MCCC1: variants seen among roughly 807,000 people sequenced by gnomAD.
MCCC1 encodes the protein methylcrotonoyl-CoA carboxylase subunit alpha, mitochondrial.
Under a neutral mutation model 83.8 loss-of-function variants are expected in MCCC1, and 64 were observed. That is an observed-to-expected ratio of 0.76 (90% CI 0.62 to 0.94). The LOEUF is 0.94. Among genes scored for constraint, MCCC1 ranks in the 40% least tolerant of loss-of-function variants. MCCC1 has a pLI of 0.00. For missense variants in MCCC1, 807 were observed against 904.7 expected, an observed-to-expected ratio of 0.89 and a Z score of 1.39; for synonymous variants, 322 against 315.4, an observed-to-expected ratio of 1.02 and a Z score of -0.22.
intron 4 of MCCC1, among the ~76,000 whole-genome samples, chr3:183,079,369 T>C (rs1308390868): frequency 6.6e-6 from 1 of 152,122 alleles, no homozygotes; most frequent in South Asian, 2.1e-4. Context: ...ATGGAAGATA[T>C]TGGCCAAAAT....
At chr3:183,114,816 G>T (rs1227368390) in intron 1 of MCCC1, among the ~76,000 whole-genome samples, 1 of 152,126 alleles carries the variant, frequency 6.6e-6, no homozygotes. Context: ...ACTGTCTGTT[G>T]TTGTTGCTGT....
At chr3:183,071,869 ATTT>A (rs377212072) in intron 5 of MCCC1, among the ~76,000 whole-genome samples, 3 of 132,784 alleles carry the variant, frequency 2.3e-5, no homozygotes, top group African/African-American at 8.7e-5. Flanking sequence ...ACCCAGCTGA[ATTT>A]TTTTTTTTTT....
At chr3:183,036,846 T>G (rs1483572484) in intron 13 of MCCC1, among the ~76,000 whole-genome samples, 1 of 152,052 alleles carries the variant, frequency 6.6e-6, no homozygotes, top group Non-Finnish European at 1.5e-5. Flanking sequence ...GCTAATTTTT[T>G]GTATTTTTAG....
intron 1 of MCCC1, among the ~76,000 whole-genome samples, chr3:183,114,914 C>T (rs1246721299): frequency 6.6e-6 from 1 of 152,148 alleles, no homozygotes; most frequent in African/African-American, 2.4e-5. Context: ...ATCCACAGTC[C>T]TGCAAACCAA....
At chr3:183,041,163 T>G (rs972815821) in intron 11 of MCCC1, among the ~76,000 whole-genome samples, 1 of 152,204 alleles carries the variant, frequency 6.6e-6, no homozygotes, top group African/African-American at 2.4e-5. Context: ...TTACTTTAAT[T>G]TTTTTATTGT....
Position 183,098,595 on chromosome 3 carries a change from T to C in MCCC1, c.89+757A>G, listed in dbSNP as rs142706196. The C allele has an allele frequency of 2.6e-5, 4 of 152,358 alleles. No homozygotes were observed. The East Asian group carries it at 5.8e-4, about 22-fold the overall frequency. The allele number at this position is 152,358 out of a possible 1,614,324, so 9.4% of individuals were successfully genotyped here. On this transcript the variant is annotated intron_variant, in intron 1 of 18. Coordinates refer to ENST00000265594, the MANE Select transcript of MCCC1 (RefSeq NM_020166.5). ...ATCTTTCCAGAATGATGAAGGATGA[T>C]AACGATGAAGCAAAAGAAGACAAAG... is the stretch of plus-strand genomic sequence containing the variant.
At chr3:183,108,664 G>T (rs191600154) in intron 1 of MCCC1, among the ~76,000 whole-genome samples, 124 of 152,324 alleles carry the variant, frequency 8.1e-4, no homozygotes, top group Non-Finnish European at 1.5e-3. Flanking sequence ...TGGAAGTGGA[G>T]GTACAGAGTT....
intron 16 of MCCC1, among the ~76,000 whole-genome samples, chr3:183,020,738 C>T (rs890732237): frequency 6.6e-6 from 1 of 152,012 alleles, no homozygotes; most frequent in Non-Finnish European, 1.5e-5. Context: ...ATTGTAAAGG[C>T]GTAACGGTAT....
At chr3:183,020,453 G>A (rs566482954) in intron 16 of MCCC1, among the ~76,000 whole-genome samples, 31 of 152,020 alleles carry the variant, frequency 2.0e-4, no homozygotes, top group African/African-American at 6.8e-4. Flanking sequence ...GCAATATAGC[G>A]AAACCTCATC....
intron 14 of MCCC1, among the ~76,000 whole-genome samples, chr3:183,030,866 GC>G (rs1240646728): frequency 1.1e-4 from 16 of 152,074 alleles, no homozygotes; most frequent in African/African-American, 3.4e-4. Context: ...ATGTCAACAG[GC>G]TTTTACTCTT....
chr3:183,092,235 T>C lies in MCCC1; in HGVS notation c.273+174A>G, dbSNP rs920038270. 3 of 728,104 alleles carry C rather than the reference T, an allele frequency of 4.1e-6. No individual in the cohort carries two copies. In the African/African-American group the frequency reaches 5.2e-5, roughly 13 times the overall value. 45.1% of individuals were successfully genotyped at this position (728,104 alleles called of 1,614,324 possible). On this transcript the variant is annotated intron_variant, in intron 3 of 18. Transcript: ENST00000265594. ...CTGTTCTACTAAGCACACCGCTTAG[T>C]TCAACTGATGTTATATCTGAAAAAT...
At chr3:183,025,904 A>G in intron 14 of MCCC1, 100 bp from the exon 15 acceptor site, 1 of 1,032,958 alleles carries the variant, frequency 9.7e-7, no homozygotes, top group Non-Finnish European at 1.5e-6. Context: ...AAGACAACCA[A>G]CTATTCAAAG....
chr3:183,099,602 GAACACCAATCA>G, upstream of MCCC1: 1 of 796,532 alleles, frequency 1.3e-6, no homozygotes, highest in Non-Finnish European at 2.0e-6. Context: ...GCGTCTCCAC[GAACACCAATCA>G]AAGACCAGAG....
chr3:183,100,581 T>C (rs1719171035), upstream of MCCC1, among the ~76,000 whole-genome samples: 2 of 152,256 alleles, frequency 1.3e-5, no homozygotes, highest in Admixed American at 1.3e-4. Context: ...AACATAACTT[T>C]GATACCAAAA....
intron 3 of MCCC1, 132 bp from the exon 4 acceptor site, chr3:183,086,920 GA>G (rs1717937553): frequency 1.2e-5 from 9 of 782,172 alleles, no homozygotes; most frequent in South Asian, 6.1e-5. Flanking sequence ...TGCAAGAATT[GA>G]AAAACTGAAG....
intron 4 of MCCC1, among the ~76,000 whole-genome samples, chr3:183,083,049 TATCACCAGAC>T (rs1290520201): frequency 3.3e-5 from 5 of 152,262 alleles, no homozygotes; most frequent in African/African-American, 1.2e-4. Context: ...AATATAGCCA[TATCACCAGAC>T]ATCACCAGAA....
intron 15 of MCCC1, among the ~76,000 whole-genome samples, chr3:183,025,155 C>G (rs955507886): frequency 6.6e-6 from 1 of 152,028 alleles, no homozygotes; most frequent in Admixed American, 6.6e-5. Flanking sequence ...GAAGAAGGAA[C>G]GGAGTGTTAA....
In MCCC1 at chr3:183,034,078, C is replaced by A; in HGVS notation, c.1595-1G>T. ...CTAGACGAAAATGGAGAGAATTGAT[C>A]TAGAAAAAATTTAAAATTCAGTAAC... On this transcript the variant is annotated splice_acceptor_variant, in intron 13 of 18. Coordinates refer to ENST00000265594, the MANE Select transcript of MCCC1 (RefSeq NM_020166.5). LOFTEE classifies it high-confidence loss of function. 2 of 1,603,314 alleles carry A rather than the reference C, an allele frequency of 1.2e-6. No homozygotes were observed. The highest frequency in any genetic ancestry group is 1.1e-5 in the South Asian group (1 of 90,834).
In MCCC1 at chr3:183,034,007, A is replaced by AAG; in HGVS notation, c.1663_1664dup (p.Lys556LeufsTer8). 1 of 1,606,188 alleles carries AAG rather than the reference A, an allele frequency of 6.2e-7. No individual in the cohort carries two copies. The highest frequency in any genetic ancestry group is 1.1e-5 in the South Asian group (1 of 90,914). On this transcript the variant is annotated frameshift_variant, in exon 14 of 19. Coordinates refer to ENST00000265594, the MANE Select transcript of MCCC1 (RefSeq NM_020166.5). LOFTEE classifies it high-confidence loss of function. ...ATTACTTACTGTTTTTACCATCTTT[A>AAG]AGAGTCATGTTTCTGGTATACGAGA...
Sources: gnomAD v4.1 joint callset for allele counts (sites outside exome capture counted in the v4.1 genomes callset) on GRCh38, gnomAD v4.1.1 for gene constraint, MANE v1.5 for transcripts, NCBI Gene and HGNC (gene_info 2026-07-23, HGNC 2026-07-21) for gene names.